BRD4: variants seen among roughly 807,000 people sequenced by gnomAD.
BRD4 encodes bromodomain-containing protein 4.
Under a neutral mutation model 142.1 loss-of-function variants are expected in BRD4, and 16 were observed. The observed-to-expected ratio is 0.11, with a 90% CI of 0.08 to 0.17. The LOEUF is 0.17. BRD4 is among the 10% of genes least tolerant of loss of function. The pLI is 1.00. For missense variants in BRD4, 1,424 were observed against 1,810.9 expected (o/e 0.79, Z 3.88); for synonymous variants, 833 against 707.5 (o/e 1.18, Z -2.82).
intron 14 of BRD4, among the ~76,000 whole-genome samples, chr19:15,240,348 G>A (rs2047228757): frequency 6.6e-6 from 1 of 152,164 alleles, no homozygotes; most frequent in Admixed American, 6.5e-5. Context: ...GAATCATCTG[G>A]GATACTGTGG....
chr19:15,291,415 A>G (rs1321223246), intron 1 of BRD4, among the ~76,000 whole-genome samples: 1 of 152,206 alleles, frequency 6.6e-6, no homozygotes, highest in Non-Finnish European at 1.5e-5. Flanking sequence ...AAGAATGAAA[A>G]TAACAACTAA....
At chr19:15,253,493 G>GGACTGTTA (rs766765861) in intron 11 of BRD4, 55 of 1,456,452 alleles carry the variant, frequency 3.8e-5, no homozygotes, top group Non-Finnish European at 4.8e-5. Flanking sequence ...TGAAAAGAAG[G>GGACTGTTA]GACTGTTAGT....
chr19:15,325,006 C>T (rs61619870), intron 1 of BRD4, among the ~76,000 whole-genome samples: 1 of 152,202 alleles, frequency 6.6e-6, no homozygotes, highest in Non-Finnish European at 1.5e-5. Context: ...GTACCATGCC[C>T]TGGATCAGCT....
In BRD4 at chr19:15,238,291, C is replaced by G. The variant is rs2047209846; in HGVS notation, c.*86G>C. On this transcript the variant is annotated 3_prime_UTR_variant, in exon 20 of 20. Coordinates refer to ENST00000679869, the MANE Select transcript of BRD4 (RefSeq NM_001379291.1). This position sits in a 1 kb window ranked among gnomAD's most constrained non-coding sequence, Gnocchi z 7.2. ...CAGGCCCTGAGGCATCCCCTGGCCGCTGATCCCACCTCCACCACCGCCCCT... is the reference window on the plus strand; with the variant it reads ...CAGGCCCTGAGGCATCCCCTGGCCGGTGATCCCACCTCCACCACCGCCCCT... 6.3e-7 allele frequency: 1 copy of G among 1,586,420 alleles called. No individual in the cohort carries two copies. Among genetic ancestry groups the G allele is most frequent in the Non-Finnish European group, 8.6e-7 (1 of 1,164,806 alleles).
intron 1 of BRD4, among the ~76,000 whole-genome samples, chr19:15,283,611 AG>A (rs1471121029): frequency 6.6e-6 from 1 of 152,188 alleles, no homozygotes; most frequent in Non-Finnish European, 1.5e-5. Context: ...AAAACACACC[AG>A]CTTAACACAC....
Position 15,256,268 on chromosome 19 carries a change from A to T in BRD4, c.1552-5T>A, listed in dbSNP as rs1346984177. 1.1e-5 allele frequency: 18 copies of T among 1,608,742 alleles called. No individual in the cohort carries two copies. Among genetic ancestry groups the T allele is most frequent in the Non-Finnish European group, 1.5e-5 (18 of 1,178,984 alleles). ...CTGCTCGTGCACGGCTTTGAGCTGT[A>T]GACCAGACAGGCAAGACACACACTC... On this transcript the variant is annotated splice_polypyrimidine_tract_variant and splice_region_variant and intron_variant, in intron 8 of 19. Transcript: ENST00000679869.
intron 1 of BRD4, among the ~76,000 whole-genome samples, chr19:15,296,439 T>A (rs959322527): frequency 4.6e-5 from 7 of 152,116 alleles, no homozygotes; most frequent in African/African-American, 7.2e-5. Context: ...ATGGATAGTA[T>A]CTAGTGAGTG....
rs1226412060 is a variant in BRD4, at chr19:15,239,105, C to T, written c.3736G>A (p.Glu1246Lys). ...CGCTCCTTCTCCTTCTCAGCGTGCT[C>T]GGCCTGAGCCTTCAGGGCCTTCTCA... ...EREKALKAQA[E>K]HAEKEKERLR... is the part of the protein sequence containing the mutation. Residue 1246 changes from glutamate to lysine, a missense_variant, in exon 18 of 20, where the codon GAG (glutamate) becomes AAG (lysine). Physicochemically the swap from Glu to Lys is moderately conservative, Grantham distance 56. Coordinates refer to ENST00000679869, the MANE Select transcript of BRD4 (RefSeq NM_001379291.1). The surrounding 1 kb of genome is among the most constrained non-coding windows in gnomAD (Gnocchi z 7.4). 2 of 1,608,084 alleles carry T rather than the reference C, an allele frequency of 1.2e-6. No individual in the cohort carries two copies. Among genetic ancestry groups the T allele is most frequent in the Non-Finnish European group, 1.7e-6 (2 of 1,179,444 alleles).
intron 4 of BRD4, 129 bp downstream of exon 4, chr19:15,267,287 G>C (rs1256460142): frequency 1.5e-5 from 19 of 1,229,004 alleles, no homozygotes; most frequent in Non-Finnish European, 2.1e-5. Flanking sequence ...AATCTCACAT[G>C]TCCAAACACC....
chr19:15,327,023 T>C (rs2048113955), intron 1 of BRD4, among the ~76,000 whole-genome samples: 1 of 152,208 alleles, frequency 6.6e-6, no homozygotes, highest in Non-Finnish European at 1.5e-5. Flanking sequence ...GACCAAACCA[T>C]GAAGGCAGAA....
intron 3 of BRD4, among the ~76,000 whole-genome samples, chr19:15,268,599 C>T (rs1599468926): frequency 6.6e-6 from 1 of 152,282 alleles, no homozygotes; most frequent in East Asian, 1.9e-4. Flanking sequence ...CTATTCTCCT[C>T]ACACCTTCTC....
At chr19:15,263,693 C>CT in intron 6 of BRD4, 145 bp from the exon 7 acceptor site, 2 of 1,032,068 alleles carry the variant, frequency 1.9e-6, no homozygotes, top group Non-Finnish European at 2.9e-6. Flanking sequence ...GGGGACAGGC[C>CT]ATCACCCCAG....
intron 1 of BRD4, among the ~76,000 whole-genome samples, chr19:15,330,588 A>G (rs2048148450): frequency 6.6e-6 from 1 of 152,150 alleles, no homozygotes; most frequent in Non-Finnish European, 1.5e-5. Context: ...CAACATGGTG[A>G]AACCCGCGTC....
intron 1 of BRD4, among the ~76,000 whole-genome samples, chr19:15,310,081 G>C (rs2047953550): frequency 6.6e-6 from 1 of 152,036 alleles, no homozygotes; most frequent in African/African-American, 2.4e-5. Flanking sequence ...GCCTTTTCAA[G>C]GTGACATCAA....
intron 1 of BRD4, among the ~76,000 whole-genome samples, chr19:15,276,023 T>A (rs1006642100): frequency 6.6e-5 from 10 of 152,028 alleles, no homozygotes; most frequent in African/African-American, 2.4e-4. Context: ...GAAAAGAAAG[T>A]GATATCCATG....
intron 1 of BRD4, among the ~76,000 whole-genome samples, chr19:15,285,513 C>T (rs552366912): frequency 4.6e-5 from 7 of 151,624 alleles, no homozygotes; most frequent in Admixed American, 2.0e-4. Flanking sequence ...TGCTGTGAGC[C>T]GAAATCACAC....
chr19:15,261,529 C>CT (rs1355977632), intron 7 of BRD4, among the ~76,000 whole-genome samples: 1 of 152,064 alleles, frequency 6.6e-6, no homozygotes, highest in African/African-American at 2.4e-5. Context: ...GCCTGAACTC[C>CT]TTCAAGGATG....
intron 14 of BRD4, 80 bp from the exon 15 acceptor site, chr19:15,240,102 TG>T: frequency 6.6e-7 from 1 of 1,509,014 alleles, no homozygotes; most frequent in Admixed American, 2.2e-5. Context: ...AAGGAAAACG[TG>T]GGCTGTATGG....
rs962488012 is a variant in BRD4 at position 15,251,946 on chromosome 19, A to AGAGCCTGG, written c.2158+2198_2158+2205dup. Among the ~76,000 whole-genome samples, 5 of 152,354 alleles carry AGAGCCTGG rather than the reference A, an allele frequency of 3.3e-5. No individual in the cohort carries two copies. In the East Asian group the frequency reaches 5.8e-4, roughly 18 times the overall value. On this transcript the variant is annotated intron_variant, in intron 11 of 19. Coordinates refer to ENST00000679869, the MANE Select transcript of BRD4 (RefSeq NM_001379291.1). ...CATGAGCGGCCAGGGCTGGACCGCC[A>AGAGCCTGG]GAGCCTGGGAGCCTGGGAGCCAGCG...
Sources: gnomAD v4.1 joint callset for allele counts (sites outside exome capture counted in the v4.1 genomes callset) on GRCh38, gnomAD v4.1.1 for gene constraint, Gnocchi (gnomAD v3.1) non-coding constraint, MANE v1.5 for transcripts, NCBI Gene and HGNC (gene_info 2026-07-23, HGNC 2026-07-21) for gene names.